The following DRC9 variants were observed in gnomAD, a reference collection of about 807,000 sequenced individuals.
DRC9 encodes dynein regulatory complex subunit 9.
chr3:197,932,885 GTATAA>G, the DRC9 span, among the ~76,000 whole-genome samples: 10,346 of 135,630 alleles, frequency 0.076, 927 homozygotes, highest in African/African-American at 0.21. Flanking sequence ...TATTATATAT[GTATAA>G]TATATGTATT....
the DRC9 span, among the ~76,000 whole-genome samples, chr3:197,953,330 T>G: frequency 6.6e-6 from 1 of 152,180 alleles, no homozygotes; most frequent in African/African-American, 2.4e-5. Flanking sequence ...GAGCTATGAT[T>G]GGGCCACTGT....
chr3:197,890,540 A>G, the DRC9 span, among the ~76,000 whole-genome samples: 2 of 152,160 alleles, frequency 1.3e-5, no homozygotes, highest in Non-Finnish European at 2.9e-5. Context: ...AGCTTTCTTG[A>G]ATATCTTGGT....
the DRC9 span, among the ~76,000 whole-genome samples, chr3:197,895,184 G>A: frequency 6.6e-6 from 1 of 152,108 alleles, no homozygotes; most frequent in African/African-American, 2.4e-5. Flanking sequence ...AAAACAAAGA[G>A]GGAACAGGCT....
chr3:197,946,232 G>C, the DRC9 span, among the ~76,000 whole-genome samples: 2 of 151,214 alleles, frequency 1.3e-5, no homozygotes, highest in African/African-American at 4.9e-5. Context: ...TCAGGAGATC[G>C]AGACCATCCT....
the DRC9 span, among the ~76,000 whole-genome samples, chr3:197,898,618 C>T: frequency 6.6e-6 from 1 of 152,202 alleles, no homozygotes; most frequent in Non-Finnish European, 1.5e-5. Context: ...CACAGTTCAG[C>T]ATGCCTGGAG....
At chr3:197,917,753 CAG>C in the DRC9 span, among the ~76,000 whole-genome samples, 1 of 150,864 alleles carries the variant, frequency 6.6e-6, no homozygotes, top group Non-Finnish European at 1.5e-5. Flanking sequence ...TTTTTTGAGA[CAG>C]AGTCTCGCTG....
At chr3:197,952,159 T>TG in the DRC9 span, among the ~76,000 whole-genome samples, 31 of 144,292 alleles carry the variant, frequency 2.1e-4, no homozygotes, top group South Asian at 6.6e-4. Context: ...CTTAAAATTA[T>TG]GGGTTTTTTT....
chr3:197,912,984 G>GC, the DRC9 span: 1 of 495,036 alleles, frequency 2.0e-6, no homozygotes, highest in South Asian at 2.3e-5. Context: ...CTGAACAGAG[G>GC]TGCCCACTGA....
At chr3:197,905,794 T>G in the DRC9 span, among the ~76,000 whole-genome samples, 2 of 152,034 alleles carry the variant, frequency 1.3e-5, no homozygotes, top group Admixed American at 1.3e-4. Context: ...TCCCAAGAAT[T>G]TGAAGATGAC....
At chr3:197,935,055 A>G in the DRC9 span, among the ~76,000 whole-genome samples, 1 of 152,344 alleles carries the variant, frequency 6.6e-6, no homozygotes, top group East Asian at 1.9e-4. Context: ...TTACTATTTT[A>G]CATAACAACT....
chr3:197,908,722 A>T, the DRC9 span, among the ~76,000 whole-genome samples: 1 of 147,588 alleles, frequency 6.8e-6, no homozygotes, highest in African/African-American at 2.5e-5. Flanking sequence ...AGGTCTGAAG[A>T]GCGAGCAACC....
At chr3:197,908,348 T>C in the DRC9 span, among the ~76,000 whole-genome samples, 1 of 141,416 alleles carries the variant, frequency 7.1e-6, no homozygotes, top group Non-Finnish European at 1.5e-5. Flanking sequence ...CCAGATGAAG[T>C]TATCACAGGG....
the DRC9 span, chr3:197,953,757 T>C: frequency 3.5e-6 from 2 of 576,506 alleles, no homozygotes; most frequent in Non-Finnish European, 6.2e-6. Flanking sequence ...CTATGTATTT[T>C]CCTTAAACTT....
At chr3:197,889,824 C>G in the DRC9 span, 1 of 1,285,456 alleles carries the variant, frequency 7.8e-7, no homozygotes, top group Non-Finnish European at 1.1e-6. Flanking sequence ...CAAACAGTCT[C>G]TCTCCAGGAC....
chr3:197,943,766 G>A, the DRC9 span: 2 of 1,601,948 alleles, frequency 1.2e-6, no homozygotes, highest in Non-Finnish European at 1.7e-6. Context: ...CTCATGGTGA[G>A]TGGGTCTATA....
the DRC9 span, chr3:197,949,976 T>C: frequency 6.0e-6 from 3 of 500,924 alleles, no homozygotes; most frequent in Non-Finnish European, 9.4e-6. Context: ...CTGGCTACCA[T>C]TTTGCCTTCC....
At chr3:197,904,043 TATATACATACATATATATATATACATAC>T in the DRC9 span, among the ~76,000 whole-genome samples, 1,911 of 105,780 alleles carry the variant, frequency 0.018, 68 homozygotes, top group African/African-American at 0.073. Context: ...TACATACATA[TATATACATACATATATATATATACATAC>T]ATATATATAT....
At chr3:197,928,942 G>A in the DRC9 span, among the ~76,000 whole-genome samples, 5 of 152,170 alleles carry the variant, frequency 3.3e-5, no homozygotes, top group Non-Finnish European at 5.9e-5. Flanking sequence ...CAGGTGGAGC[G>A]ATCAAAAGTC....
chr3:197,896,748 C>A, the DRC9 span, among the ~76,000 whole-genome samples: 36 of 152,290 alleles, frequency 2.4e-4, no homozygotes, highest in South Asian at 3.9e-3. Context: ...TCTCTGAGGT[C>A]TCTTTTTTAA....
Sources: gnomAD v4.1 joint callset for allele counts (sites outside exome capture counted in the v4.1 genomes callset) on GRCh38, gnomAD v4.1.1 for gene constraint, MANE v1.5 for transcripts, NCBI Gene and HGNC (gene_info 2026-07-23, HGNC 2026-07-21) for gene names.